Variants in TSPAN3 observed in about 807,000 individuals in gnomAD.
TSPAN3 encodes the protein tetraspanin 3, also known as tetraspanin-3.
A neutral mutation model predicts 31.1 loss-of-function variants in TSPAN3; 9 were observed. The ratio of observed to expected loss-of-function variants is 0.29; its 90% confidence interval spans 0.17 to 0.50. TSPAN3 has a LOEUF of 0.50. Ranked by LOEUF, TSPAN3 falls within the 20% of genes least tolerant of loss-of-function variation. The pLI, the probability that TSPAN3 is intolerant of heterozygous loss-of-function variation, is 0.98. For synonymous variants in TSPAN3, 129 were observed against 114.3 expected (o/e 1.13, Z -0.82); for missense variants, 252 against 313.5 (o/e 0.80, Z 1.48).
At chr15:77,054,369 T>C in intron 3 of TSPAN3, 90 bp from the exon 4 acceptor site, 1 of 905,038 alleles carries the variant, frequency 1.1e-6, no homozygotes, top group Non-Finnish European at 1.8e-6. Context: ...AATGAAATGT[T>C]TGCAAGTTGC....
intron 1 of TSPAN3, among the ~76,000 whole-genome samples, chr15:77,067,237 T>C (rs1446904457): frequency 6.6e-6 from 1 of 152,224 alleles, no homozygotes; most frequent in Non-Finnish European, 1.5e-5. Context: ...TTCAGGATTT[T>C]AGAAATGATT....
At chr15:77,047,774 T>G (rs953829623) in intron 6 of TSPAN3, among the ~76,000 whole-genome samples, 7 of 152,238 alleles carry the variant, frequency 4.6e-5, no homozygotes, top group Non-Finnish European at 8.8e-5. Flanking sequence ...TATAATTTTT[T>G]TGTGAGATAA....
chr15:77,056,101 C>T lies in TSPAN3; in HGVS notation c.218G>A (p.Cys73Tyr). 1 of 1,611,334 alleles carries T rather than the reference C, an allele frequency of 6.2e-7. No individual in the cohort carries two copies. The highest frequency in any genetic ancestry group is 8.5e-7 in the Non-Finnish European group (1 of 1,179,062). Residue 73 changes from cysteine (C) to tyrosine (Y), a missense_variant, in exon 2 of 7, where the codon TGT becomes TAT. Cys to Tyr is a radical substitution (Grantham distance 194, BLOSUM62 -2). Transcript: ENST00000267970. ...ACAGCGACTTTCCCGGATTGTGGCA[C>T]AGCAGCCAATTAGCCCAATGATGAA... is the stretch of plus-strand genomic sequence containing the variant. ...LLFIIGLIGCCATIRESRCGL... is the reference protein window; with the variant it reads ...LLFIIGLIGCYATIRESRCGL...
At chr15:77,050,604 T>C (rs536191861) in intron 6 of TSPAN3, among the ~76,000 whole-genome samples, 2 of 152,354 alleles carry the variant, frequency 1.3e-5, no homozygotes, top group African/African-American at 4.8e-5. Context: ...ACAAGTACCA[T>C]ACAGTTCCAA....
chr15:77,066,573 A>C (rs1375812916), intron 1 of TSPAN3, among the ~76,000 whole-genome samples: 1 of 8,064 alleles, frequency 1.2e-4, no homozygotes, highest in East Asian at 2.8e-3. Flanking sequence ...CTTCGTCTCA[A>C]AAAAAAAAAA....
At chr15:77,049,484 C>G (rs945612921) in intron 6 of TSPAN3, among the ~76,000 whole-genome samples, 2 of 152,138 alleles carry the variant, frequency 1.3e-5, no homozygotes, top group African/African-American at 4.8e-5. Flanking sequence ...AAATCAAAAT[C>G]TAGATTTTTG....
intron 1 of TSPAN3, 67 bp downstream of exon 1, chr15:77,070,825 C>T (rs2076864405): frequency 7.0e-6 from 7 of 998,886 alleles, no homozygotes; most frequent in Non-Finnish European, 8.5e-6. Flanking sequence ...CCGGCCCCCA[C>T]GGGCGCCTCC....
At position 77,066,932 on chromosome 15, in the gene TSPAN3, C is replaced by G. The variant is rs146904101; in HGVS notation, c.63+3960G>C. Reference sequence around the variant, plus strand: ...GGCCGTAGCTGGTCAGGGCCTTCTGCAAAGTCCTGAGGTGGCCCAGGACAT... The same window carrying G: ...GGCCGTAGCTGGTCAGGGCCTTCTGGAAAGTCCTGAGGTGGCCCAGGACAT... On this transcript the variant is annotated intron_variant, in intron 1 of 6. Transcript: ENST00000267970. Among the ~76,000 whole-genome samples, 582 of 152,218 alleles carry G rather than the reference C, an allele frequency of 3.8e-3. 2 individuals are homozygous for G. The highest frequency in any genetic ancestry group is 0.014 in the African/African-American group (566 of 41,530).
In TSPAN3 at chr15:77,052,859, T is replaced by C; in HGVS notation, c.503A>G (p.Gln168Arg). The C allele has an allele frequency of 6.2e-7, 1 of 1,614,164 alleles. No individual in the cohort carries two copies. Among genetic ancestry groups the C allele is most frequent in the South Asian group, 1.1e-5 (1 of 91,070 alleles). ...TCTGCAGCAGCTAAGAGGGACACTC[T>C]GGTTTTTGGTTTCTTTGAACCAATC... Reference protein sequence around the residue: ...NTDWFKETKNQSVPLSCCRET... With the variant: ...NTDWFKETKNRSVPLSCCRET... Residue 168 changes from glutamine (Q) to arginine (R), a missense_variant, in exon 5 of 7, where the codon CAG becomes CGG. By Grantham distance (43) the Gln-to-Arg change is conservative. Coordinates refer to ENST00000267970, the MANE Select transcript of TSPAN3 (RefSeq NM_005724.6).
At chr15:77,064,638 G>GT (rs1331900050) in intron 1 of TSPAN3, 1 of 152,250 alleles carries the variant, frequency 6.6e-6, no homozygotes, top group Non-Finnish European at 1.5e-5. Context: ...TAAGAATGTA[G>GT]TAAGAGTGGA....
Position 77,042,278 on chromosome 15 carries a change from C to G in TSPAN3, c.*4557G>C, listed in dbSNP as rs1006779995. 6.6e-6 allele frequency: 1 copy of G among 152,098 alleles called. No homozygotes were observed. 9.4% of individuals were successfully genotyped at this position (152,098 alleles called of 1,614,324 possible). A position where few individuals can be genotyped will look rare whatever the true frequency, so the allele number is the denominator to read the frequency against. On this transcript the variant is annotated 3_prime_UTR_variant, in exon 7 of 7. Coordinates refer to ENST00000267970, the MANE Select transcript of TSPAN3 (RefSeq NM_005724.6). ...TGTATTGTTCACATTTTTTAAAGCA[C>G]CAATTACTTTTGTTTAAAAAAATAC... is the stretch of plus-strand genomic sequence containing the variant.
At chr15:77,051,385 G>C (rs1245767776) in intron 6 of TSPAN3, among the ~76,000 whole-genome samples, 1 of 151,906 alleles carries the variant, frequency 6.6e-6, no homozygotes, top group African/African-American at 2.4e-5. Context: ...AAAATTAGCT[G>C]GGCATGGTAG....
intron 1 of TSPAN3, among the ~76,000 whole-genome samples, chr15:77,061,135 G>A (rs1297683037): frequency 6.6e-6 from 1 of 152,138 alleles, no homozygotes; most frequent in African/African-American, 2.4e-5. Context: ...ATCTTAAAGA[G>A]ATTTCATTCT....
chr15:77,050,369 A>T (rs2076722695), intron 6 of TSPAN3, among the ~76,000 whole-genome samples: 1 of 152,236 alleles, frequency 6.6e-6, no homozygotes, highest in Admixed American at 6.5e-5. Flanking sequence ...GAAGTGAAAA[A>T]ATCAAGCTTT....
intron 1 of TSPAN3, among the ~76,000 whole-genome samples, chr15:77,067,091 G>T (rs1310368418): frequency 6.6e-6 from 1 of 151,968 alleles, no homozygotes; most frequent in Non-Finnish European, 1.5e-5. Flanking sequence ...TGAGGGTAGA[G>T]CCCTCATGAC....
In TSPAN3 at chr15:77,052,852, G is replaced by C. The variant is rs144682673; in HGVS notation, c.510C>G (p.Val170=). The C allele has an allele frequency of 2.5e-6, 4 of 1,614,006 alleles. No homozygotes were observed. The highest frequency in any genetic ancestry group is 1.7e-5 in the Admixed American group (1 of 60,000). Residue 170 remains valine, a synonymous_variant, in exon 5 of 7, where the codon GTC becomes GTG. Transcript: ENST00000267970. ...CAGTCTCTCTGCAGCAGCTAAGAGGGACACTCTGGTTTTTGGTTTCTTTGA... is the reference window on the plus strand; with the variant it reads ...CAGTCTCTCTGCAGCAGCTAAGAGGCACACTCTGGTTTTTGGTTTCTTTGA... ...DWFKETKNQS[V]PLSCCRETAS...
At position 77,047,386 on chromosome 15, in the gene TSPAN3, G is replaced by C. The variant is rs2076700610; in HGVS notation, c.670-459C>G. Among the ~76,000 whole-genome samples the C allele has an allele frequency of 3.3e-5, 5 of 152,148 alleles. No homozygotes were observed. In the South Asian group the frequency reaches 1.0e-3, roughly 32 times the overall value. On this transcript the variant is annotated intron_variant, in intron 6 of 6. Transcript: ENST00000267970. The stretch of plus-strand genomic sequence containing the variant: ...CTACCATTCTGGACAGCAAAGGCCT[G>C]GGGAGTAGAATGAGCAAGAATGTGT...
intron 3 of TSPAN3, 164 bp downstream of exon 3, chr15:77,055,625 T>C: frequency 1.7e-6 from 1 of 598,398 alleles, no homozygotes; most frequent in East Asian, 2.9e-5. Flanking sequence ...GTAAGGAGTC[T>C]TGACATGTAA....
At chr15:77,064,473 G>T (rs538173773) in intron 1 of TSPAN3, 2 of 152,038 alleles carry the variant, frequency 1.3e-5, no homozygotes, top group Non-Finnish European at 2.9e-5. Context: ...GGATCTTATG[G>T]AATAAAATTC....
Sources: gnomAD v4.1 joint callset for allele counts (sites outside exome capture counted in the v4.1 genomes callset) on GRCh38, gnomAD v4.1.1 for gene constraint, MANE v1.5 for transcripts, NCBI Gene and HGNC (gene_info 2026-07-23, HGNC 2026-07-21) for gene names.